Variants in GPR157 observed in about 807,000 individuals in gnomAD.
The protein encoded by GPR157 is G-protein coupled receptor 157.
GPR157 carries 16 observed loss-of-function variants against 23.5 expected under a neutral mutation model. The ratio of observed to expected loss-of-function variants is 0.68; its 90% CI spans 0.46 to 1.04. The LOEUF is 1.04. GPR157 is among the 50% of genes least tolerant of loss of function. The pLI is 0.00. For synonymous variants in GPR157, 200 were observed against 221.5 expected, an observed-to-expected ratio of 0.90 and a Z score of 0.86; for missense variants, 440 against 460.7, an observed-to-expected ratio of 0.96 and a Z score of 0.41.
intron 1 of GPR157, among the ~76,000 whole-genome samples, chr1:9,123,352 AATTT>A (rs1638863614): frequency 1.6e-4 from 4 of 24,414 alleles, no homozygotes; most frequent in African/African-American, 5.4e-4. Flanking sequence ...ATATATATTT[AATTT>A]AAATATATAT....
At chr1:9,113,244 T>C (rs1638552855) in intron 1 of GPR157, among the ~76,000 whole-genome samples, 1 of 152,148 alleles carries the variant, frequency 6.6e-6, no homozygotes, top group African/African-American at 2.4e-5. Context: ...AAGACACAAG[T>C]ACCCCTGTCC....
Position 9,104,483 on chromosome 1 carries a change from G to A in GPR157, c.944C>T (p.Ala315Val), listed in dbSNP as rs765789235. 3.5e-5 allele frequency: 56 copies of A among 1,613,734 alleles called. No individual in the cohort carries two copies. The highest frequency in any genetic ancestry group is 2.9e-4 in the African/African-American group (22 of 74,796). ...CTGAGATTCTCCTGGCTTGGAAGGC[G>A]CGGGAGCCTTGGGAGTGCCAGCCGG... ...KSPAGTPKAP[A>V]PSKPGESQES... The change falls in exon 4 of 4, where the codon GCG becomes GTG. Residue 315 changes from alanine to valine, a missense_variant. By Grantham distance (64) the Ala-to-Val change is moderately conservative. Coordinates refer to ENST00000377411, the MANE Select transcript of GPR157 (RefSeq NM_024980.5).
At position 9,128,428 on chromosome 1, in the gene GPR157, C is replaced by T; in HGVS notation, c.383+217G>A. 2.9e-6 allele frequency: 2 copies of T among 689,858 alleles called. No homozygotes were observed. Among genetic ancestry groups the T allele is most frequent in the Non-Finnish European group, 2.6e-6 (1 of 379,200 alleles). 42.7% of individuals were successfully genotyped at this position (689,858 alleles called of 1,614,324 possible). A position where few individuals can be genotyped will look rare whatever the true frequency, so the allele number is the denominator to read the frequency against. Reference sequence around the variant, plus strand: ...GTCCCCACTACCCCAAGGGGCTGTGCCCTGGGGCAGGCACAGCGGGGCTCC... The same window carrying T: ...GTCCCCACTACCCCAAGGGGCTGTGTCCTGGGGCAGGCACAGCGGGGCTCC... On this transcript the variant is annotated intron_variant, in intron 1 of 3. Transcript: ENST00000377411. The surrounding 1 kb of genome is among the most constrained non-coding windows in gnomAD (Gnocchi z 6.3).
chr1:9,105,034 AACACAC>A lies in GPR157; in HGVS notation c.793-406_793-401del, dbSNP rs199973020. ...CCCCAAAAAAGAGAAATGGCTGAGA[AACACAC>A]ACACACACACACACACACACACACA... On this transcript the variant is annotated intron_variant, in intron 3 of 3. Coordinates refer to ENST00000377411, the MANE Select transcript of GPR157 (RefSeq NM_024980.5). The surrounding 1 kb of genome is among the most constrained non-coding windows in gnomAD (Gnocchi z 4.8). 0.015 allele frequency among the ~76,000 whole-genome samples: 1,746 copies of A among 117,036 alleles called. 31 individuals are homozygous for A. Among genetic ancestry groups the A allele is most frequent in the African/African-American group, 0.053 (1,582 of 29,858 alleles). 76.8% of individuals were successfully genotyped at this position (117,036 alleles called of 152,430 possible). A position where few individuals can be genotyped will look rare whatever the true frequency, so the allele number is the denominator to read the frequency against.
At position 9,102,068 on chromosome 1, in the gene GPR157, C is replaced by G. The variant is rs1642572839; in HGVS notation, c.*2351G>C. 1 of 152,174 alleles carries G rather than the reference C, an allele frequency of 6.6e-6. No homozygotes were observed. Among genetic ancestry groups the G allele is most frequent in the South Asian group, 2.1e-4 (1 of 4,830 alleles). 9.4% of individuals were successfully genotyped at this position (152,174 alleles called of 1,614,324 possible). A position where few individuals can be genotyped will look rare whatever the true frequency, so the allele number is the denominator to read the frequency against. Reference sequence around the variant, plus strand: ...GCTTTCCCTGGAGCAGCCCAGAGCTCTCTTTCAATCCTAAGGGGATGTCTG... The same window carrying G: ...GCTTTCCCTGGAGCAGCCCAGAGCTGTCTTTCAATCCTAAGGGGATGTCTG... On this transcript the variant is annotated 3_prime_UTR_variant, in exon 4 of 4. Coordinates refer to ENST00000377411, the MANE Select transcript of GPR157 (RefSeq NM_024980.5).
rs1275687873 is a variant in GPR157, at chr1:9,101,398, T to C, written c.*3021A>G. The C allele has an allele frequency of 6.6e-6, 1 of 152,246 alleles. No homozygotes were observed. The highest frequency in any genetic ancestry group is 1.5e-5 in the Non-Finnish European group (1 of 68,134). 9.4% of individuals were successfully genotyped at this position (152,246 alleles called of 1,614,324 possible). A position where few individuals can be genotyped will look rare whatever the true frequency, so the allele number is the denominator to read the frequency against. Reference sequence around the variant, plus strand: ...GATGTGACTTCCTTCCCATCCAGCCTTTCTGTCTGAGCACTACCCACCCAG... The same window carrying C: ...GATGTGACTTCCTTCCCATCCAGCCCTTCTGTCTGAGCACTACCCACCCAG... On this transcript the variant is annotated 3_prime_UTR_variant, in exon 4 of 4. Transcript: ENST00000377411.
intron 1 of GPR157, among the ~76,000 whole-genome samples, chr1:9,116,318 A>ATT (rs375821239): frequency 2.9e-4 from 2 of 6,998 alleles, no homozygotes; most frequent in Non-Finnish European, 2.0e-4. Flanking sequence ...ATTATATATA[A>ATT]TATATATAAA....
In GPR157 at chr1:9,123,777, TAA is replaced by T. The variant is rs1410460129; in HGVS notation, c.383+4866_383+4867del. ...ATTTAATATTATATATATTTAATAT[TAA>T]ATATATATTTAATATTATATATATA... is the stretch of plus-strand genomic sequence containing the variant. On this transcript the variant is annotated intron_variant, in intron 1 of 3. Transcript: ENST00000377411. Among the ~76,000 whole-genome samples, 273 of 129,274 alleles carry T rather than the reference TAA, an allele frequency of 2.1e-3. 4 individuals carry two copies. The highest frequency in any genetic ancestry group is 4.5e-3 in the African/African-American group (159 of 35,218). The allele number at this position is 129,274 out of a possible 152,430, so 84.8% of individuals were successfully genotyped here.
intron 1 of GPR157, among the ~76,000 whole-genome samples, chr1:9,125,295 C>G (rs955289354): frequency 2.0e-5 from 3 of 151,950 alleles, no homozygotes; most frequent in Non-Finnish European, 4.4e-5. Context: ...CTCACTGCAG[C>G]CTCAACCTCC....
chr1:9,104,274 C>T lies in GPR157; in HGVS notation c.*145G>A, dbSNP rs1642606601. Reference sequence around the variant, plus strand: ...GAGGTAGAAGAAGCTGAGTTGGCAGCTGCTCTCCCAATGGAGCCGAGAGCA... The same window carrying T: ...GAGGTAGAAGAAGCTGAGTTGGCAGTTGCTCTCCCAATGGAGCCGAGAGCA... On this transcript the variant is annotated 3_prime_UTR_variant, in exon 4 of 4. Coordinates refer to ENST00000377411, the MANE Select transcript of GPR157 (RefSeq NM_024980.5). 3.2e-6 allele frequency: 2 copies of T among 630,948 alleles called. No individual in the cohort carries two copies. Among genetic ancestry groups the T allele is most frequent in the Non-Finnish European group, 5.5e-6 (2 of 361,050 alleles). 39.1% of individuals were successfully genotyped at this position (630,948 alleles called of 1,614,324 possible).
chr1:9,106,990 A>G, intron 2 of GPR157, among the ~76,000 whole-genome samples: 1 of 152,188 alleles, frequency 6.6e-6, no homozygotes, highest in East Asian at 1.9e-4. Flanking sequence ...AAATAAATAC[A>G]TAAATAACTG....
intron 1 of GPR157, among the ~76,000 whole-genome samples, chr1:9,125,955 T>C (rs1172720665): frequency 1.4e-5 from 2 of 141,808 alleles, no homozygotes; most frequent in Non-Finnish European, 1.5e-5. Flanking sequence ...ATTTATCATG[T>C]TTGTATTCTG....
At chr1:9,117,831 T>C (rs1638716834) in intron 1 of GPR157, among the ~76,000 whole-genome samples, 1 of 152,018 alleles carries the variant, frequency 6.6e-6, no homozygotes, top group Non-Finnish European at 1.5e-5. Context: ...AGTTCTGACA[T>C]GTAACACCTA....
At position 9,103,096 on chromosome 1, in the gene GPR157, TC is replaced by T. The variant is rs1642585303; in HGVS notation, c.*1322del. On this transcript the variant is annotated 3_prime_UTR_variant, in exon 4 of 4. Coordinates refer to ENST00000377411, the MANE Select transcript of GPR157 (RefSeq NM_024980.5). ...TCAGCTCCGGGCGACAGAATGAGGC[TC>T]CTTTTTTAAAAAAAAAAAAAAAAAA... 1 of 55,764 alleles carries T rather than the reference TC, an allele frequency of 1.8e-5. No individual in the cohort carries two copies. Among genetic ancestry groups the T allele is most frequent in the Admixed American group, 2.5e-4 (1 of 3,956 alleles). 3.5% of individuals were successfully genotyped at this position (55,764 alleles called of 1,614,324 possible).
intron 1 of GPR157, among the ~76,000 whole-genome samples, chr1:9,112,336 G>A (rs1280517345): frequency 6.6e-6 from 1 of 152,250 alleles, no homozygotes; most frequent in African/African-American, 2.4e-5. Context: ...TGGGCAGTGT[G>A]TCCCTTTGGC....
intron 1 of GPR157, among the ~76,000 whole-genome samples, chr1:9,123,517 T>TTAAATATATATTTAAAATATATC (rs1557701060): frequency 1.8e-4 from 7 of 38,708 alleles, no homozygotes; most frequent in South Asian, 8.4e-4. Context: ...AAATATATAT[T>TTAAATATATATTTAAAATATATC]TAATTTAAAT....
Position 9,104,645 on chromosome 1 carries a change from A to T in GPR157, c.793-11T>A, listed in dbSNP as rs752750658. ...CGTGTTCCCGATACCCTGTCGGGAG[A>T]AAAGGAGCTGTGAGCATGGGGCTGG... On this transcript the variant is annotated splice_polypyrimidine_tract_variant and intron_variant, in intron 3 of 3. Coordinates refer to ENST00000377411, the MANE Select transcript of GPR157 (RefSeq NM_024980.5). 4.5e-6 allele frequency: 7 copies of T among 1,572,720 alleles called. No homozygotes were observed. In the Admixed American group the frequency reaches 1.3e-4, roughly 28 times the overall value.
intron 1 of GPR157, among the ~76,000 whole-genome samples, chr1:9,123,776 TTAAA>T (rs988172597): frequency 0.024 from 3,185 of 130,034 alleles, 70 homozygotes; most frequent in Non-Finnish European, 0.038. Flanking sequence ...ATATTTAATA[TTAAA>T]TATATATTTA....
At chr1:9,123,740 TTAA>T (rs1479075639) in intron 1 of GPR157, among the ~76,000 whole-genome samples, 1 of 123,626 alleles carries the variant, frequency 8.1e-6, no homozygotes, top group Non-Finnish European at 1.7e-5. Flanking sequence ...AAATATATAT[TTAA>T]TATTATATAT....
Sources: gnomAD v4.1 joint callset for allele counts (sites outside exome capture counted in the v4.1 genomes callset) on GRCh38, gnomAD v4.1.1 for gene constraint, Gnocchi (gnomAD v3.1) non-coding constraint, MANE v1.5 for transcripts, NCBI Gene and HGNC (gene_info 2026-07-23, HGNC 2026-07-21) for gene names.